Variants in DLGAP1 observed in about 807,000 individuals in gnomAD.
DLGAP1 encodes the protein disks large-associated protein 1.
In DLGAP1, 11 loss-of-function variants were observed where a neutral mutation model predicts 90.8. The observed-to-expected ratio is 0.12, with a 90% confidence interval of 0.08 to 0.20. The LOEUF (loss-of-function observed/expected upper bound fraction) is 0.20. DLGAP1 is among the 10% of genes least tolerant of loss of function. The probability of loss-of-function intolerance (pLI) is 1.00; values close to 1 mark genes in which losing one functional copy is unlikely to be tolerated. For missense variants in DLGAP1, 1,050 were observed against 1,333.8 expected (o/e 0.79, Z 3.31); for synonymous variants, 558 against 540.7 (o/e 1.03, Z -0.44).
chr18:3,832,656 A>T (rs886360383), intron 4 of DLGAP1, among the ~76,000 whole-genome samples: 1 of 151,840 alleles, frequency 6.6e-6, no homozygotes, highest in Non-Finnish European at 1.5e-5. Flanking sequence ...TGGAACGGCC[A>T]CAGAGAACCT....
At chr18:4,358,958 CT>C (rs2081578384) in intron 1 of DLGAP1, among the ~76,000 whole-genome samples, 4 of 152,214 alleles carry the variant, frequency 2.6e-5, no homozygotes, top group Admixed American at 2.6e-4. Context: ...CTTTTGTCTC[CT>C]TCTACTGCTT....
intron 5 of DLGAP1, among the ~76,000 whole-genome samples, chr18:3,776,504 T>C (rs2064944800): frequency 1.3e-5 from 2 of 152,192 alleles, no homozygotes; most frequent in Non-Finnish European, 2.9e-5. Context: ...ACGCTTAACC[T>C]TTAACATGGG....
At chr18:4,357,825 T>G (rs1281003999) in intron 1 of DLGAP1, among the ~76,000 whole-genome samples, 3 of 152,190 alleles carry the variant, frequency 2.0e-5, no homozygotes, top group Non-Finnish European at 4.4e-5. Flanking sequence ...ACCACCTTAG[T>G]CCTAGGGATT....
At chr18:3,869,157 T>G (rs1273139645) in intron 4 of DLGAP1, among the ~76,000 whole-genome samples, 5 of 151,792 alleles carry the variant, frequency 3.3e-5, no homozygotes, top group Non-Finnish European at 7.4e-5. Flanking sequence ...GTATTGCGTT[T>G]TTTTTTTTTT....
intron 7 of DLGAP1, among the ~76,000 whole-genome samples, chr18:3,612,239 T>C (rs1364793445): frequency 6.6e-6 from 1 of 152,192 alleles, no homozygotes; most frequent in African/African-American, 2.4e-5. Flanking sequence ...GATTTAAAAG[T>C]GTGTTACCTA....
intron 3 of DLGAP1, among the ~76,000 whole-genome samples, chr18:3,919,897 C>T (rs541309483): frequency 1.3e-5 from 2 of 152,268 alleles, no homozygotes; most frequent in African/African-American, 4.8e-5. Flanking sequence ...AAAGAGTGAA[C>T]ACATAGCACT....
intron 8 of DLGAP1, among the ~76,000 whole-genome samples, chr18:3,579,512 G>A (rs565940938): frequency 4.6e-5 from 7 of 152,288 alleles, no homozygotes; most frequent in Admixed American, 1.3e-4. Context: ...GCCTGGCCAC[G>A]CCTGGCTTTT....
chr18:4,253,836 G>A (rs1803506151), intron 1 of DLGAP1, among the ~76,000 whole-genome samples: 1 of 152,084 alleles, frequency 6.6e-6, no homozygotes, highest in Non-Finnish European at 1.5e-5. Flanking sequence ...TGCAAGAGAC[G>A]AGACTCAATT....
intron 9 of DLGAP1, among the ~76,000 whole-genome samples, chr18:3,537,170 C>G (rs1381623109): frequency 2.0e-5 from 3 of 152,222 alleles, no homozygotes; most frequent in South Asian, 4.2e-4. Flanking sequence ...AATATATTCA[C>G]ATTGCATGTG....
intron 1 of DLGAP1, among the ~76,000 whole-genome samples, chr18:4,257,595 T>C (rs1160760280): frequency 1.3e-5 from 2 of 152,162 alleles, no homozygotes; most frequent in African/African-American, 4.8e-5. Context: ...TAAAGCTCTT[T>C]TAACAAATTC....
intron 1 of DLGAP1, among the ~76,000 whole-genome samples, chr18:4,433,605 C>G (rs910283100): frequency 1.3e-5 from 2 of 152,208 alleles, no homozygotes; most frequent in African/African-American, 4.8e-5. Flanking sequence ...GGACCTCACA[C>G]TCTTGCATGA....
chr18:3,874,487 T>A, intron 4 of DLGAP1: 1 of 1,437,252 alleles, frequency 7.0e-7, no homozygotes, highest in Non-Finnish European at 9.1e-7. Context: ...AACATTTACA[T>A]AAAGAGGCAT....
At chr18:3,656,884 C>T (rs1599752590) in intron 7 of DLGAP1, among the ~76,000 whole-genome samples, 4 of 152,024 alleles carry the variant, frequency 2.6e-5, no homozygotes, top group African/African-American at 9.6e-5. Flanking sequence ...GTGGCTGGGA[C>T]TACAGGCGCC....
At chr18:4,104,569 T>G (rs1178301705) in intron 2 of DLGAP1, among the ~76,000 whole-genome samples, 1 of 152,204 alleles carries the variant, frequency 6.6e-6, no homozygotes, top group Admixed American at 6.5e-5. Context: ...TAGTATTGTT[T>G]ATTTTTTCAT....
intron 2 of DLGAP1, among the ~76,000 whole-genome samples, chr18:4,074,359 G>T (rs1472968087): frequency 6.6e-6 from 1 of 152,014 alleles, no homozygotes; most frequent in African/African-American, 2.4e-5. Context: ...AAGGAGTGCA[G>T]CAAGGTTCTC....
chr18:4,401,874 C>T (rs2082562636), intron 1 of DLGAP1, among the ~76,000 whole-genome samples: 1 of 152,158 alleles, frequency 6.6e-6, no homozygotes, highest in Admixed American at 6.5e-5. Context: ...AAAATACATA[C>T]AAAAATTCCG....
intron 1 of DLGAP1, among the ~76,000 whole-genome samples, chr18:4,246,441 G>A (rs1183257382): frequency 6.6e-6 from 1 of 152,156 alleles, no homozygotes; most frequent in Non-Finnish European, 1.5e-5. Flanking sequence ...ATCAATCTGG[G>A]ATATGGTCAC....
chr18:4,430,461 G>A (rs1451528456), intron 1 of DLGAP1: 2 of 149,598 alleles, frequency 1.3e-5, no homozygotes, highest in African/African-American at 4.9e-5. Context: ...TTCTTTGATA[G>A]GAAATCCCTT....
intron 3 of DLGAP1, among the ~76,000 whole-genome samples, chr18:3,967,233 C>T: frequency 6.6e-6 from 1 of 152,236 alleles, no homozygotes; most frequent in Non-Finnish European, 1.5e-5. Flanking sequence ...TTCCTCAAAA[C>T]AGTCGCTGGG....
Sources: gnomAD v4.1 joint callset for allele counts (sites outside exome capture counted in the v4.1 genomes callset) on GRCh38, gnomAD v4.1.1 for gene constraint, MANE v1.5 for transcripts, NCBI Gene and HGNC (gene_info 2026-07-23, HGNC 2026-07-21) for gene names.